The following ANO10 variants were observed in gnomAD, a reference collection of about 807,000 sequenced individuals.
ANO10 encodes the protein anoctamin 10, also known as anoctamin-10.
In ANO10, 77 loss-of-function variants were observed where a neutral mutation model predicts 74.7. The observed-to-expected ratio is 1.03, with a 90% CI of 0.86 to 1.25. ANO10 has a LOEUF of 1.25. ANO10 is among the 50% of genes most tolerant of loss of function. The probability of loss-of-function intolerance (pLI) is 0.00; values close to 1 mark genes in which losing one functional copy is unlikely to be tolerated. For synonymous variants in ANO10, 279 were observed against 284.9 expected (o/e 0.98, Z 0.21); for missense variants, 721 against 778.1 (o/e 0.93, Z 0.87).
chr3:43,422,024 T>C (rs1201209336), intron 12 of ANO10, among the ~76,000 whole-genome samples: 1 of 152,196 alleles, frequency 6.6e-6, no homozygotes, highest in Non-Finnish European at 1.5e-5. Flanking sequence ...CTCTCCCATA[T>C]GTTGACCATC....
upstream of ANO10, among the ~76,000 whole-genome samples, chr3:43,624,452 C>A (rs2083474640): frequency 6.6e-6 from 1 of 152,126 alleles, no homozygotes; most frequent in African/African-American, 2.4e-5. Context: ...TTGGTGCTGT[C>A]CTCGAAATAG....
At chr3:43,556,907 T>C (rs1204809770) in intron 9 of ANO10, among the ~76,000 whole-genome samples, 4 of 151,954 alleles carry the variant, frequency 2.6e-5, no homozygotes, top group African/African-American at 9.7e-5. Flanking sequence ...AGAAAGAAAA[T>C]GGTCATTATT....
intron 11 of ANO10, among the ~76,000 whole-genome samples, chr3:43,517,436 T>C: frequency 6.6e-6 from 1 of 151,998 alleles, no homozygotes; most frequent in East Asian, 1.9e-4. Context: ...TAACCCCCAA[T>C]GTGGCTGTAT....
chr3:43,670,835 A>G (rs934400193), intron 1 of ANO10, among the ~76,000 whole-genome samples: 2 of 152,194 alleles, frequency 1.3e-5, no homozygotes, highest in African/African-American at 2.4e-5. Context: ...CTGCCCTACA[A>G]CAGATGCAAA....
chr3:43,678,950 T>A (rs2084158535), intron 1 of ANO10, among the ~76,000 whole-genome samples: 1 of 152,230 alleles, frequency 6.6e-6, no homozygotes. Context: ...TTTTTGATAC[T>A]GTGGGAGGGT....
intron 11 of ANO10, among the ~76,000 whole-genome samples, chr3:43,514,939 T>C (rs1349735904): frequency 4.6e-5 from 7 of 152,150 alleles, no homozygotes. Context: ...ATGAAAACAC[T>C]TGCCAGAATA....
intron 1 of ANO10, among the ~76,000 whole-genome samples, chr3:43,654,133 C>T (rs1465581443): frequency 6.6e-6 from 1 of 152,048 alleles, no homozygotes; most frequent in Non-Finnish European, 1.5e-5. Flanking sequence ...AACTATAAAC[C>T]TGTTCATTTC....
At chr3:43,655,920 G>T (rs1348533906) in intron 1 of ANO10, among the ~76,000 whole-genome samples, 8 of 99,250 alleles carry the variant, frequency 8.1e-5, no homozygotes, top group Non-Finnish European at 1.5e-4. Flanking sequence ...TAGACACAGG[G>T]TGCTGATTGG....
At chr3:43,400,345 C>T (rs2092457951) in intron 12 of ANO10, among the ~76,000 whole-genome samples, 1 of 151,684 alleles carries the variant, frequency 6.6e-6, no homozygotes. Context: ...CAGAACTAGA[C>T]AAATCAGCAG....
intron 1 of ANO10, among the ~76,000 whole-genome samples, chr3:43,681,787 G>A (rs1345325751): frequency 4.6e-5 from 7 of 152,126 alleles, no homozygotes; most frequent in East Asian, 3.8e-4. Flanking sequence ...ACTCAAAACC[G>A]CTCAACTACG....
At chr3:43,462,408 T>A (rs2075418524) in intron 11 of ANO10, among the ~76,000 whole-genome samples, 2 of 152,054 alleles carry the variant, frequency 1.3e-5, no homozygotes, top group African/African-American at 4.8e-5. Flanking sequence ...TTTTTGTATT[T>A]TTAGTAGAGA....
chr3:43,516,880 A>G (rs530524731), intron 11 of ANO10, among the ~76,000 whole-genome samples: 100 of 152,310 alleles, frequency 6.6e-4, no homozygotes, highest in Non-Finnish European at 1.4e-3. Flanking sequence ...AAGGAAGCAC[A>G]GGGGTAGGGC....
intron 11 of ANO10, among the ~76,000 whole-genome samples, chr3:43,434,839 A>G (rs2093043172): frequency 6.6e-6 from 1 of 152,202 alleles, no homozygotes; most frequent in Admixed American, 6.5e-5. Flanking sequence ...TGAATTGAAA[A>G]AAGTTGGTAT....
intron 11 of ANO10, among the ~76,000 whole-genome samples, chr3:43,451,414 C>T (rs774871895): frequency 1.3e-5 from 2 of 152,248 alleles, no homozygotes; most frequent in Non-Finnish European, 2.9e-5. Flanking sequence ...TGCCCAACTT[C>T]TCCCTCTGTT....
chr3:43,466,579 A>T (rs1169941170), intron 11 of ANO10, among the ~76,000 whole-genome samples: 1 of 152,128 alleles, frequency 6.6e-6, no homozygotes, highest in Non-Finnish European at 1.5e-5. Context: ...GAAAACAATG[A>T]ACCTTAACCT....
intron 11 of ANO10, among the ~76,000 whole-genome samples, chr3:43,524,637 T>C (rs932177657): frequency 3.9e-5 from 6 of 152,118 alleles, no homozygotes; most frequent in Admixed American, 6.6e-5. Flanking sequence ...GGGTTTCTAG[T>C]CCACCCAACT....
intron 4 of ANO10, among the ~76,000 whole-genome samples, chr3:43,585,326 G>A (rs2081427324): frequency 6.7e-6 from 1 of 149,846 alleles, no homozygotes; most frequent in Non-Finnish European, 1.5e-5. Context: ...GTACCAAAAC[G>A]GAAGGAAAGG....
chr3:43,450,455 T>A (rs1043140771), intron 11 of ANO10, among the ~76,000 whole-genome samples: 7 of 152,102 alleles, frequency 4.6e-5, no homozygotes, highest in Non-Finnish European at 1.0e-4. Context: ...GCAAGAGAAT[T>A]GCTTGAACCC....
At chr3:43,674,352 G>A (rs925184410) in intron 1 of ANO10, among the ~76,000 whole-genome samples, 3 of 152,064 alleles carry the variant, frequency 2.0e-5, no homozygotes, top group Non-Finnish European at 4.4e-5. Flanking sequence ...GTCTCACTAT[G>A]TTGTCCAGGC....
Sources: allele counts gnomAD v4.1 joint callset (sites outside exome capture counted in the v4.1 genomes callset), GRCh38; gene constraint gnomAD v4.1.1; transcripts MANE v1.5; gene names NCBI Gene and HGNC (gene_info 2026-07-23, HGNC 2026-07-21).